WDR64: variants seen among roughly 807,000 people sequenced by gnomAD.
WDR64 encodes the protein WD repeat-containing protein 64.
In WDR64, 112 loss-of-function variants were observed where a neutral mutation model predicts 139.3. The observed-to-expected ratio is 0.80, with a 90% CI of 0.69 to 0.94. WDR64 has a LOEUF of 0.94. WDR64 is among the 40% of genes least tolerant of loss of function. WDR64 has a pLI of 0.00. For missense variants in WDR64, 1,206 were observed against 1,293.1 expected (o/e 0.93, Z 1.03); for synonymous variants, 444 against 437.7 (o/e 1.01, Z -0.18).
chr1:241,745,070 G>A (rs925085227), intron 13 of WDR64, among the ~76,000 whole-genome samples: 2 of 152,198 alleles, frequency 1.3e-5, no homozygotes, highest in Non-Finnish European at 2.9e-5. Flanking sequence ...ACGCTATGGA[G>A]CACTGGTAGG....
intron 9 of WDR64, among the ~76,000 whole-genome samples, chr1:241,721,698 A>C (rs1401393426): frequency 6.6e-6 from 1 of 152,196 alleles, no homozygotes; most frequent in Non-Finnish European, 1.5e-5. Context: ...CCAGGATGAC[A>C]TTTAAAGAAC....
At chr1:241,699,515 C>T (rs1667623072) in intron 8 of WDR64, among the ~76,000 whole-genome samples, 1 of 152,042 alleles carries the variant, frequency 6.6e-6, no homozygotes, top group Admixed American at 6.6e-5. Context: ...GTGATAAGTG[C>T]CATGATACAG....
intron 15 of WDR64, among the ~76,000 whole-genome samples, chr1:241,763,683 C>A (rs1658022974): frequency 6.6e-6 from 1 of 152,088 alleles, no homozygotes; most frequent in African/African-American, 2.4e-5. Context: ...CCAGCCTTGG[C>A]AACAGAGCAA....
intron 7 of WDR64, among the ~76,000 whole-genome samples, chr1:241,686,245 C>T (rs1666998865): frequency 6.6e-6 from 1 of 152,286 alleles, no homozygotes. Context: ...AGCTATCATA[C>T]AAGTTTTCCT....
chr1:241,658,229 C>A (rs1057425206), intron 1 of WDR64, among the ~76,000 whole-genome samples: 23 of 151,426 alleles, frequency 1.5e-4, no homozygotes, highest in Admixed American at 1.3e-4. Context: ...TCCTTAGATT[C>A]AATAGTCTTA....
chr1:241,687,397 A>G (rs1667047080), intron 7 of WDR64, 64 bp from the exon 8 acceptor site: 1 of 1,587,312 alleles, frequency 6.3e-7, no homozygotes, highest in East Asian at 2.2e-5. Context: ...AAATTGCTGA[A>G]TAGAAACATA....
chr1:241,769,301 G>A (rs1658326298), intron 16 of WDR64, 103 bp from the exon 17 acceptor site: 7 of 833,336 alleles, frequency 8.4e-6, no homozygotes, highest in Non-Finnish European at 1.3e-5. Flanking sequence ...AATAATATTA[G>A]CATTTGAGGA....
chr1:241,693,725 A>C (rs907855513), intron 8 of WDR64, among the ~76,000 whole-genome samples: 2 of 152,124 alleles, frequency 1.3e-5, no homozygotes, highest in African/African-American at 4.8e-5. Context: ...CTAGTTTAAA[A>C]ATGTGCTGAG....
chr1:241,775,088 C>A lies in WDR64; in HGVS notation c.2431-17C>A. On this transcript the variant is annotated splice_polypyrimidine_tract_variant and intron_variant, in intron 20 of 27. Transcript: ENST00000437684. Reference sequence around the variant, plus strand: ...ACTAGCAAAGAAAAAGTTTTATTTGCATTATACTTTATTTAGGGAAGACTA... The same window carrying A: ...ACTAGCAAAGAAAAAGTTTTATTTGAATTATACTTTATTTAGGGAAGACTA... 1 of 1,535,690 alleles carries A rather than the reference C, an allele frequency of 6.5e-7. No individual in the cohort carries two copies. The highest frequency in any genetic ancestry group is 8.8e-7 in the Non-Finnish European group (1 of 1,136,322).
In WDR64 at chr1:241,723,389, G is replaced by C. The variant is rs752206627; in HGVS notation, c.1147G>C (p.Val383Leu). Residue 383 changes from valine (V) to leucine (L), a missense_variant, in exon 10 of 28, where the codon GTA becomes CTA. Val to Leu is a conservative substitution (Grantham distance 32). Coordinates refer to ENST00000437684, the MANE Select transcript of WDR64 (RefSeq NM_001367482.1). ...ACACATGTTCAGTATCGCCGAGATC[G>C]TAACCAATGAAAAAGATCAACATGT... Reference protein sequence around the residue: ...VGHMFSIAEIVTNEKDQHVVS... With the variant: ...VGHMFSIAEILTNEKDQHVVS... 1.2e-6 allele frequency: 2 copies of C among 1,613,814 alleles called. No homozygotes were observed. Among genetic ancestry groups the C allele is most frequent in the Non-Finnish European group, 1.7e-6 (2 of 1,179,822 alleles).
intron 14 of WDR64, among the ~76,000 whole-genome samples, chr1:241,753,243 T>C (rs1670044428): frequency 6.6e-6 from 1 of 152,214 alleles, no homozygotes; most frequent in Non-Finnish European, 1.5e-5. Flanking sequence ...CTGGCTGTCT[T>C]CACTCCTAGA....
chr1:241,669,102 A>G (rs1052235801), intron 2 of WDR64, among the ~76,000 whole-genome samples: 1 of 152,200 alleles, frequency 6.6e-6, no homozygotes, highest in African/African-American at 2.4e-5. Context: ...GATGCCATCC[A>G]TTATGTCATT....
At chr1:241,788,971 T>C (rs1305379005) in intron 24 of WDR64, among the ~76,000 whole-genome samples, 1 of 152,212 alleles carries the variant, frequency 6.6e-6, no homozygotes, top group Non-Finnish European at 1.5e-5. Flanking sequence ...GACAGGATTC[T>C]AATTTGTCCA....
At chr1:241,774,028 T>C (rs1194704846) in intron 20 of WDR64, among the ~76,000 whole-genome samples, 3 of 152,266 alleles carry the variant, frequency 2.0e-5, no homozygotes, top group Admixed American at 6.5e-5. Flanking sequence ...ACAACTTTCA[T>C]TTACCAGAAG....
intron 21 of WDR64, among the ~76,000 whole-genome samples, chr1:241,779,314 TTAAA>T (rs1029179800): frequency 6.6e-6 from 1 of 152,182 alleles, no homozygotes; most frequent in Admixed American, 6.5e-5. Context: ...TTCCTGCAGT[TTAAA>T]TAGTTTAAAA....
intron 8 of WDR64, among the ~76,000 whole-genome samples, chr1:241,706,926 C>CA (rs1312277146): frequency 7.9e-5 from 12 of 152,278 alleles, no homozygotes; most frequent in Non-Finnish European, 1.3e-4. Flanking sequence ...AATGCAGCTA[C>CA]AAAATGTGTT....
chr1:241,729,430 T>G (rs541231818), intron 10 of WDR64, among the ~76,000 whole-genome samples: 69 of 152,336 alleles, frequency 4.5e-4, no homozygotes, highest in African/African-American at 1.6e-3. Flanking sequence ...CCTCATGCCT[T>G]ACAAATAAAG....
chr1:241,726,007 A>C (rs1433375072), intron 10 of WDR64, among the ~76,000 whole-genome samples: 2 of 151,346 alleles, frequency 1.3e-5, no homozygotes, highest in African/African-American at 2.4e-5. Context: ...GGGCCACCGT[A>C]CGAAGCTAAT....
At chr1:241,783,878 C>T (rs186543630) in intron 23 of WDR64, among the ~76,000 whole-genome samples, 2 of 152,164 alleles carry the variant, frequency 1.3e-5, no homozygotes, top group East Asian at 1.9e-4. Context: ...AAGACACATA[C>T]ACATATAAAG....
Sources: allele counts gnomAD v4.1 joint callset (sites outside exome capture counted in the v4.1 genomes callset), GRCh38; gene constraint gnomAD v4.1.1; transcripts MANE v1.5; gene names NCBI Gene and HGNC (gene_info 2026-07-23, HGNC 2026-07-21).